The following SAMSN1 variants were observed in gnomAD, a reference collection of about 807,000 sequenced individuals.
The protein encoded by SAMSN1 is SAM domain, SH3 domain and nuclear localization signals 1, also known as SAM domain-containing protein SAMSN-1.
A neutral mutation model predicts 42.0 loss-of-function variants in SAMSN1; 31 were observed. That is an observed-to-expected ratio of 0.74 (90% CI 0.55 to 1.00). The LOEUF (loss-of-function observed/expected upper bound fraction) is 1.00. Among genes scored for constraint, SAMSN1 ranks in the 50% least tolerant of loss-of-function variants. SAMSN1 has a pLI of 0.00. For missense variants in SAMSN1, 464 were observed against 439.4 expected (o/e 1.06, Z -0.50); for synonymous variants, 178 against 151.9 (o/e 1.17, Z -1.26).
rs891097752 is a variant in SAMSN1, at chr21:14,616,801, T to A, written c.157-785A>T. Among the ~76,000 whole-genome samples the A allele has an allele frequency of 2.6e-5, 4 of 152,122 alleles. 1 individual carries two copies. The highest frequency in any genetic ancestry group is 1.3e-4 in the Admixed American group (2 of 15,266). ...GAAAATTGCAACGAATATTCCACTT[T>A]TGAGGGGGAAAAACACAAATGCTAA... is the stretch of plus-strand genomic sequence containing the variant. On this transcript the variant is annotated intron_variant, in intron 2 of 15. Coordinates refer to the SAMSN1 transcript ENST00000647101.
intron 2 of SAMSN1, among the ~76,000 whole-genome samples, chr21:14,620,533 G>C (rs938521900): frequency 3.3e-5 from 5 of 152,172 alleles, no homozygotes; most frequent in Non-Finnish European, 4.4e-5. Context: ...TTATAGCAGT[G>C]TGAACATGAT....
chr21:14,550,560 G>A (rs1452825422), upstream of SAMSN1, among the ~76,000 whole-genome samples: 2 of 152,038 alleles, frequency 1.3e-5, no homozygotes, highest in Non-Finnish European at 2.9e-5. Flanking sequence ...TCTAAAAACG[G>A]ACCTGAAGTC....
intron 1 of SAMSN1, among the ~76,000 whole-genome samples, chr21:14,535,209 C>G (rs1568794089): frequency 6.6e-6 from 1 of 152,100 alleles, no homozygotes; most frequent in South Asian, 2.1e-4. Context: ...ATGATTTTTG[C>G]TATTATTTTT....
upstream of SAMSN1, chr21:14,583,814 C>G (rs906952212): frequency 4.3e-6 from 3 of 700,676 alleles, no homozygotes; most frequent in Non-Finnish European, 7.9e-6. Flanking sequence ...ACAAATTATT[C>G]CTCACAAAAG....
intron 2 of SAMSN1, among the ~76,000 whole-genome samples, chr21:14,621,491 G>A (rs1189554814): frequency 1.3e-5 from 2 of 152,214 alleles, no homozygotes; most frequent in Non-Finnish European, 2.9e-5. Flanking sequence ...CACTCCAGGA[G>A]ATTATATCCC....
upstream of SAMSN1, chr21:14,583,537 AT>A: frequency 1.7e-6 from 1 of 592,854 alleles, no homozygotes; most frequent in East Asian, 2.9e-5. Context: ...ATAAAAAAAA[AT>A]CCTCAATGTT....
At chr21:14,573,281 A>G (rs751257099) in intron 2 of SAMSN1, among the ~76,000 whole-genome samples, 6 of 152,156 alleles carry the variant, frequency 3.9e-5, no homozygotes, top group Non-Finnish European at 8.8e-5. Flanking sequence ...CCATTTTTTC[A>G]AAGCAGACTT....
At chr21:14,513,974 G>A (rs914291778) in intron 3 of SAMSN1, among the ~76,000 whole-genome samples, 3 of 152,118 alleles carry the variant, frequency 2.0e-5, no homozygotes, top group Non-Finnish European at 4.4e-5. Context: ...TAGATCTCTT[G>A]CTGCGGGACC....
intron 1 of SAMSN1, among the ~76,000 whole-genome samples, chr21:14,646,945 A>T (rs2123388589): frequency 6.6e-6 from 1 of 152,352 alleles, no homozygotes; most frequent in South Asian, 2.1e-4. Context: ...GCAAGAAACT[A>T]AACCATGTCT....
At chr21:14,534,461 A>G (rs1979468160) in intron 1 of SAMSN1, among the ~76,000 whole-genome samples, 1 of 152,156 alleles carries the variant, frequency 6.6e-6, no homozygotes, top group Admixed American at 6.5e-5. Flanking sequence ...AACAACAACA[A>G]CAACAAACAG....
intron 2 of SAMSN1, among the ~76,000 whole-genome samples, chr21:14,577,059 T>C (rs1200813265): frequency 2.6e-5 from 3 of 117,492 alleles, no homozygotes; most frequent in African/African-American, 1.2e-4. Context: ...TTTTTTTTTT[T>C]TTTTTTTTTT....
chr21:14,545,327 G>T (rs1031530013), intron 1 of SAMSN1, among the ~76,000 whole-genome samples: 21 of 151,928 alleles, frequency 1.4e-4, no homozygotes, highest in Admixed American at 6.6e-4. Context: ...AACATATAAA[G>T]ACTGATAGAC....
chr21:14,576,370 A>G (rs1981464210), intron 2 of SAMSN1, among the ~76,000 whole-genome samples: 1 of 152,164 alleles, frequency 6.6e-6, no homozygotes, highest in Non-Finnish European at 1.5e-5. Context: ...TAGAGAGACA[A>G]AATGGAGGAC....
At chr21:14,538,248 T>A (rs893159249) in intron 1 of SAMSN1, among the ~76,000 whole-genome samples, 3 of 152,134 alleles carry the variant, frequency 2.0e-5, no homozygotes, top group African/African-American at 7.3e-5. Flanking sequence ...TTATATCATG[T>A]ATTTTATTCC....
chr21:14,489,736 A>G (rs987406402), intron 7 of SAMSN1, among the ~76,000 whole-genome samples: 1 of 152,152 alleles, frequency 6.6e-6, no homozygotes, highest in Non-Finnish European at 1.5e-5. Context: ...GCTAATTTGC[A>G]TATTAAAATA....
At chr21:14,625,906 G>C (rs960160782) in intron 2 of SAMSN1, among the ~76,000 whole-genome samples, 1 of 152,186 alleles carries the variant, frequency 6.6e-6, no homozygotes, top group Admixed American at 6.5e-5. Flanking sequence ...AACCAAAACA[G>C]CATGGTACTG....
At chr21:14,615,730 CAT>C (rs974708976) in intron 3 of SAMSN1, among the ~76,000 whole-genome samples, 4 of 152,024 alleles carry the variant, frequency 2.6e-5, no homozygotes, top group Admixed American at 6.6e-5. Context: ...GGTTTAGACA[CAT>C]GTTTCTTCTG....
chr21:14,642,691 A>G (rs76877937), intron 2 of SAMSN1, among the ~76,000 whole-genome samples: 1,944 of 152,306 alleles, frequency 0.013, 48 homozygotes, highest in African/African-American at 0.044. Flanking sequence ...AGCCTTTAGT[A>G]TCTTATCTTG....
chr21:14,654,938 G>C (rs1983893477), intron 1 of SAMSN1, among the ~76,000 whole-genome samples: 1 of 151,918 alleles, frequency 6.6e-6, no homozygotes, highest in Admixed American at 6.6e-5. Flanking sequence ...GAGATCAAAT[G>C]CTGAGGAAGA....
Sources: gnomAD v4.1 joint callset for allele counts (sites outside exome capture counted in the v4.1 genomes callset) on GRCh38, gnomAD v4.1.1 for gene constraint, MANE v1.5 for transcripts, NCBI Gene and HGNC (gene_info 2026-07-23, HGNC 2026-07-21) for gene names.